ERC1: variants seen among roughly 807,000 people sequenced by gnomAD.
ERC1 encodes ELKS/RAB6-interacting/CAST family member 1.
Under a neutral mutation model 132.0 loss-of-function variants are expected in ERC1, and 56 were observed. The ratio of observed to expected loss-of-function variants is 0.42; its 90% CI spans 0.34 to 0.53. The LOEUF is 0.53. Ranked by LOEUF, ERC1 falls within the 20% of genes least tolerant of loss-of-function variation. ERC1 has a pLI of 0.03. For synonymous variants in ERC1, 478 were observed against 476.1 expected, an observed-to-expected ratio of 1.00 and a Z score of -0.05; for missense variants, 1,202 against 1,349.9, an observed-to-expected ratio of 0.89 and a Z score of 1.72.
At chr12:1,060,697 C>T (rs1356427286) in intron 2 of ERC1, among the ~76,000 whole-genome samples, 1 of 151,542 alleles carries the variant, frequency 6.6e-6, no homozygotes, top group Non-Finnish European at 1.5e-5. Context: ...AGTTACCTTC[C>T]CTTGGGTCCT....
At chr12:1,234,568 G>C (rs1044526218) in intron 12 of ERC1, among the ~76,000 whole-genome samples, 29 of 152,330 alleles carry the variant, frequency 1.9e-4, no homozygotes, top group Admixed American at 5.2e-4. Context: ...GCTGTAGTTG[G>C]TTGGTTGGTT....
chr12:1,436,405 C>CT (rs1324206068), intron 17 of ERC1, among the ~76,000 whole-genome samples: 1 of 152,120 alleles, frequency 6.6e-6, no homozygotes. Flanking sequence ...ATGTTCACAT[C>CT]TTTATTATGT....
At chr12:1,074,756 T>G (rs1201960776) in intron 2 of ERC1, among the ~76,000 whole-genome samples, 1 of 152,248 alleles carries the variant, frequency 6.6e-6, no homozygotes, top group Non-Finnish European at 1.5e-5. Flanking sequence ...AAAAGATAGA[T>G]GATCTTATTT....
chr12:1,042,067 G>A (rs1465109832), intron 2 of ERC1, among the ~76,000 whole-genome samples: 20 of 151,790 alleles, frequency 1.3e-4, no homozygotes, highest in Admixed American at 1.3e-3. Context: ...CTAGAGTCTG[G>A]CTCTGTTGCC....
chr12:1,375,476 G>T (rs1349811423), intron 16 of ERC1, among the ~76,000 whole-genome samples: 1 of 152,196 alleles, frequency 6.6e-6, no homozygotes, highest in Non-Finnish European at 1.5e-5. Flanking sequence ...TCTGTAGAAG[G>T]TAATCCTGGC....
chr12:1,400,274 GGTATTT>G (rs1462872390), intron 16 of ERC1, among the ~76,000 whole-genome samples: 4 of 151,958 alleles, frequency 2.6e-5, no homozygotes, highest in Non-Finnish European at 4.4e-5. Context: ...TTTTAATTGG[GGTATTT>G]GTATTTTTAT....
At chr12:1,394,090 G>A (rs12315490) in intron 16 of ERC1, among the ~76,000 whole-genome samples, 39,024 of 137,178 alleles carry the variant, frequency 0.28, 6,222 homozygotes, top group Middle Eastern at 0.35. Context: ...TAGTAAGGAA[G>A]TGATCATACT....
chr12:1,291,297 A>G (rs1174565100), intron 15 of ERC1, among the ~76,000 whole-genome samples: 1 of 152,182 alleles, frequency 6.6e-6, no homozygotes, highest in Non-Finnish European at 1.5e-5. Flanking sequence ...GGATTGGCAT[A>G]GGGGGAGAAT....
chr12:1,330,798 AC>A (rs1345733477), intron 15 of ERC1, among the ~76,000 whole-genome samples: 1 of 152,166 alleles, frequency 6.6e-6, no homozygotes, highest in Non-Finnish European at 1.5e-5. Flanking sequence ...CTCCTAGTAG[AC>A]TTAGAGTCTC....
At chr12:1,029,310 C>T (rs1474769843) in intron 2 of ERC1, among the ~76,000 whole-genome samples, 1 of 152,028 alleles carries the variant, frequency 6.6e-6, no homozygotes, top group Non-Finnish European at 1.5e-5. Flanking sequence ...TGAGATCCCG[C>T]CACTGCACTC....
At chr12:1,010,031 A>T (rs575512845) in intron 1 of ERC1, among the ~76,000 whole-genome samples, 1 of 152,276 alleles carries the variant, frequency 6.6e-6, no homozygotes, top group Admixed American at 6.5e-5. Flanking sequence ...TAAATTTATG[A>T]TTTCTCCAGG....
intron 18 of ERC1, among the ~76,000 whole-genome samples, chr12:1,463,569 T>C (rs2093682946): frequency 1.3e-5 from 2 of 152,128 alleles, no homozygotes. Flanking sequence ...AAGGGCAGCA[T>C]AGTGTGAGAG....
chr12:1,166,532 A>G (rs1472941945), intron 8 of ERC1, among the ~76,000 whole-genome samples: 6 of 152,236 alleles, frequency 3.9e-5, no homozygotes, highest in Admixed American at 3.9e-4. Flanking sequence ...GGTTTTTCAT[A>G]GATGCTGTTT....
At chr12:1,000,630 G>A (rs183415955) in intron 1 of ERC1, among the ~76,000 whole-genome samples, 164 of 152,284 alleles carry the variant, frequency 1.1e-3, no homozygotes, top group East Asian at 3.5e-3. Flanking sequence ...GGGTGTGGTG[G>A]TGTGTGCCTG....
chr12:1,282,798 GT>G lies in ERC1; in HGVS notation c.2620-7053del, dbSNP rs1300613629. Among the ~76,000 whole-genome samples the G allele has an allele frequency of 2.0e-5, 3 of 152,244 alleles. No individual in the cohort carries two copies. In the East Asian group the frequency reaches 5.8e-4, roughly 29 times the overall value. ...GGTTTTAATCTGGAACTTTGTTCTA[GT>G]CAGGGAAACCAGTGGACTTCTCAAG... On this transcript the variant is annotated intron_variant, in intron 14 of 18. Transcript: ENST00000360905.
At chr12:1,440,253 G>A (rs1452413577) in intron 17 of ERC1, among the ~76,000 whole-genome samples, 1 of 138,066 alleles carries the variant, frequency 7.2e-6, no homozygotes. Context: ...CGCCCAGGCT[G>A]GAGTGCAGTG....
At chr12:1,487,905 G>A (rs1021616781) in intron 18 of ERC1, among the ~76,000 whole-genome samples, 34 of 152,092 alleles carry the variant, frequency 2.2e-4, no homozygotes, top group African/African-American at 8.2e-4. Flanking sequence ...TTGGGAGGCC[G>A]AGGCGGGCGG....
At chr12:1,016,415 C>T (rs1024242200) in intron 1 of ERC1, among the ~76,000 whole-genome samples, 3 of 152,114 alleles carry the variant, frequency 2.0e-5, no homozygotes, top group Non-Finnish European at 2.9e-5. Flanking sequence ...TTTTTCTAAT[C>T]TATGAGGAGA....
rs771053594 is a variant in ERC1 at position 1,289,880 on chromosome 12, A to C, written c.2648A>C (p.Lys883Thr). ...QVEELLMAMEKVKQELESMKA... is the reference protein window; with the variant it reads ...QVEELLMAMETVKQELESMKA... ...GAGGAGTTACTGATGGCCATGGAGA[A>C]GGTAAAGCAGGAACTAGAATCCATG... The change falls in exon 15 of 19, where the codon AAG (lysine) becomes ACG (threonine). Residue 883 changes from lysine to threonine, a missense_variant. By Grantham distance (78) the Lys-to-Thr change is moderately conservative. Transcript: ENST00000360905. 3.0e-5 allele frequency: 48 copies of C among 1,613,722 alleles called. 1 individual carries two copies. In the Admixed American group the frequency reaches 4.7e-4, roughly 16 times the overall value.
Sources: allele counts gnomAD v4.1 joint callset (sites outside exome capture counted in the v4.1 genomes callset), GRCh38; gene constraint gnomAD v4.1.1; transcripts MANE v1.5; gene names NCBI Gene and HGNC (gene_info 2026-07-23, HGNC 2026-07-21).